Variants in SNTG2 observed in about 807,000 individuals in gnomAD.
The protein encoded by SNTG2 is syntrophin gamma 2.
In SNTG2, 74 loss-of-function variants were observed where a neutral mutation model predicts 70.9. That is an observed-to-expected ratio of 1.04 (90% confidence interval 0.86 to 1.27). The LOEUF (loss-of-function observed/expected upper bound fraction) is 1.27. SNTG2 is among the 50% of genes most tolerant of loss of function. The pLI, the probability that SNTG2 is intolerant of heterozygous loss-of-function variation, is 0.00. For missense variants in SNTG2, 717 were observed against 690.7 expected (o/e 1.04, Z -0.43); for synonymous variants, 278 against 273.8 (o/e 1.02, Z -0.15).
chr2:1,029,242 T>G (rs568963259), intron 1 of SNTG2, among the ~76,000 whole-genome samples: 3 of 152,292 alleles, frequency 2.0e-5, no homozygotes, highest in African/African-American at 7.2e-5. Flanking sequence ...GCTAGTTTGA[T>G]TTACAATTTT....
At chr2:1,352,408 C>A (rs187242198) in intron 16 of SNTG2, among the ~76,000 whole-genome samples, 1 of 152,288 alleles carries the variant, frequency 6.6e-6, no homozygotes, top group East Asian at 1.9e-4. Context: ...GCAGGCCCCT[C>A]TGCCCATTGA....
At chr2:982,414 C>A (rs546607854) in intron 1 of SNTG2, among the ~76,000 whole-genome samples, 5 of 152,298 alleles carry the variant, frequency 3.3e-5, no homozygotes, top group African/African-American at 1.2e-4. Flanking sequence ...ACGGAGGACA[C>A]GGGCATGTCC....
At position 1,239,733 on chromosome 2, in the gene SNTG2, C is replaced by T; in HGVS notation, c.850-5C>T. On this transcript the variant is annotated splice_region_variant and splice_polypyrimidine_tract_variant and intron_variant, in intron 10 of 16. Transcript: ENST00000308624. ...GGCCCTGACTCTTCTGCCTTCTCTCCACAGATGAAGATGGCGAACAAATGC... is the reference window on the plus strand; with the variant it reads ...GGCCCTGACTCTTCTGCCTTCTCTCTACAGATGAAGATGGCGAACAAATGC... 5 of 1,613,216 alleles carry T rather than the reference C, an allele frequency of 3.1e-6. No homozygotes were observed. Among genetic ancestry groups the T allele is most frequent in the Non-Finnish European group, 4.2e-6 (5 of 1,179,666 alleles).
intron 1 of SNTG2, among the ~76,000 whole-genome samples, chr2:1,070,553 G>C (rs1001111272): frequency 6.6e-6 from 1 of 152,142 alleles, no homozygotes; most frequent in African/African-American, 2.4e-5. Flanking sequence ...CCACAAGAGG[G>C]AAGTCCGGCT....
At chr2:1,163,574 G>C (rs72766761) in intron 6 of SNTG2, 1 of 152,076 alleles carries the variant, frequency 6.6e-6, no homozygotes, top group Non-Finnish European at 1.5e-5. Context: ...CAGCACCTGC[G>C]ACCTGGAGGC....
At chr2:1,046,483 G>A (rs1166625947) in intron 1 of SNTG2, among the ~76,000 whole-genome samples, 3 of 152,054 alleles carry the variant, frequency 2.0e-5, no homozygotes, top group African/African-American at 7.2e-5. Context: ...TGTTTTTGTG[G>A]TGGCCAGTAA....
chr2:1,228,408 C>G (rs954674330), intron 9 of SNTG2, among the ~76,000 whole-genome samples: 20 of 152,238 alleles, frequency 1.3e-4, no homozygotes, highest in African/African-American at 4.6e-4. Context: ...TTCAGCACAG[C>G]TGTCCAGCCC....
intron 14 of SNTG2, 65 bp downstream of exon 14, chr2:1,267,636 G>C: frequency 1.4e-6 from 2 of 1,387,430 alleles, no homozygotes; most frequent in Non-Finnish European, 2.0e-6. Flanking sequence ...TAGCATTGGG[G>C]AATATGTAGC....
At chr2:1,294,006 C>T (rs933190423) in intron 14 of SNTG2, among the ~76,000 whole-genome samples, 20 of 152,204 alleles carry the variant, frequency 1.3e-4, no homozygotes, top group African/African-American at 4.8e-4. Flanking sequence ...TCAGACGGTG[C>T]CACATGTGTT....
intron 8 of SNTG2, among the ~76,000 whole-genome samples, chr2:1,181,374 C>T (rs766443275): frequency 5.9e-5 from 9 of 152,108 alleles, no homozygotes; most frequent in African/African-American, 1.9e-4. Context: ...GAGTTGGAAA[C>T]TTTCTAGACT....
rs563754629 is a variant in SNTG2, at chr2:1,269,679, G to A, written c.1284+2108G>A. Among the ~76,000 whole-genome samples, 106 of 152,324 alleles carry A rather than the reference G, an allele frequency of 7.0e-4. 1 individual carries two copies. The highest frequency in any genetic ancestry group is 2.5e-3 in the African/African-American group (103 of 41,560). ...GAAGGCATTCCCAGTGGGAAGCATT[G>A]AAAAATTAGGCTAATGCTCCATTTG... On this transcript the variant is annotated intron_variant, in intron 14 of 16. Coordinates refer to ENST00000308624, the MANE Select transcript of SNTG2 (RefSeq NM_018968.4).
At chr2:1,207,186 G>A (rs1411523645) in intron 8 of SNTG2, among the ~76,000 whole-genome samples, 1 of 152,204 alleles carries the variant, frequency 6.6e-6, no homozygotes, top group Non-Finnish European at 1.5e-5. Flanking sequence ...CACATCAGGT[G>A]ATCAGAAGGT....
chr2:1,012,221 A>G (rs1269335910), intron 1 of SNTG2, among the ~76,000 whole-genome samples: 6 of 152,222 alleles, frequency 3.9e-5, no homozygotes, highest in African/African-American at 1.4e-4. Flanking sequence ...GCTGTCATGT[A>G]TGGGATGCCT....
intron 1 of SNTG2, among the ~76,000 whole-genome samples, chr2:963,029 T>C (rs544170032): frequency 6.6e-6 from 1 of 152,292 alleles, no homozygotes; most frequent in Non-Finnish European, 1.5e-5. Flanking sequence ...TCCTGTAGTC[T>C]AAAGCTGGTT....
intron 4 of SNTG2, among the ~76,000 whole-genome samples, chr2:1,135,943 C>T (rs1011538823): frequency 2.6e-5 from 4 of 152,136 alleles, no homozygotes; most frequent in African/African-American, 4.8e-5. Flanking sequence ...CTTAGTTTCC[C>T]ATGCGTCAGG....
chr2:1,153,500 T>A (rs111455746), intron 6 of SNTG2, among the ~76,000 whole-genome samples: 1 of 152,226 alleles, frequency 6.6e-6, no homozygotes, highest in Non-Finnish European at 1.5e-5. Context: ...TGATTAGGAA[T>A]GTCAGTAAAA....
At chr2:1,007,048 T>G (rs1659594089) in intron 1 of SNTG2, among the ~76,000 whole-genome samples, 1 of 151,866 alleles carries the variant, frequency 6.6e-6, no homozygotes, top group Non-Finnish European at 1.5e-5. Flanking sequence ...AATAAATAAA[T>G]AAATAAATAA....
At position 1,099,737 on chromosome 2, in the gene SNTG2, T is replaced by G. The variant is rs73172911; in HGVS notation, c.325+1327T>G. Among the ~76,000 whole-genome samples the G allele has an allele frequency of 3.3e-3, 486 of 149,410 alleles. 2 individuals carry two copies. The highest frequency in any genetic ancestry group is 0.012 in the African/African-American group (458 of 38,868). On this transcript the variant is annotated intron_variant, in intron 4 of 16. Coordinates refer to ENST00000308624, the MANE Select transcript of SNTG2 (RefSeq NM_018968.4). ...CATGTGTGGTGCAGGAGACCATGTT[T>G]TGCTGCAGAGATTGCCCCAGTGGGA...
chr2:1,200,963 A>G (rs921396499), intron 8 of SNTG2, among the ~76,000 whole-genome samples: 3 of 152,016 alleles, frequency 2.0e-5, no homozygotes, highest in Non-Finnish European at 4.4e-5. Flanking sequence ...GTACGTTAGT[A>G]CAACCACTCT....
Sources: gnomAD v4.1 joint callset for allele counts (sites outside exome capture counted in the v4.1 genomes callset) on GRCh38, gnomAD v4.1.1 for gene constraint, MANE v1.5 for transcripts, NCBI Gene and HGNC (gene_info 2026-07-23, HGNC 2026-07-21) for gene names.